HDGF: variants seen among roughly 807,000 people sequenced by gnomAD.
The protein encoded by HDGF is hepatoma-derived growth factor.
HDGF carries 5 observed loss-of-function variants against 30.0 expected under a neutral mutation model. The ratio of observed to expected loss-of-function variants is 0.17; its 90% CI spans 0.09 to 0.35. The LOEUF is 0.35. HDGF is among the 10% of genes least tolerant of loss of function. The pLI is 1.00. For missense variants in HDGF, 214 were observed against 302.8 expected (o/e 0.71, Z 2.18); for synonymous variants, 133 against 112.7 (o/e 1.18, Z -1.14).
intron 2 of HDGF, among the ~76,000 whole-genome samples, chr1:156,757,777 A>G (rs1651176297): frequency 6.7e-6 from 1 of 149,132 alleles, no homozygotes; most frequent in Non-Finnish European, 1.5e-5. Flanking sequence ...TGGGAGCAAG[A>G]CTCTGTCTCA....
chr1:156,747,263 C>CCCCCCCCCCT (rs1650640366), intron 1 of HDGF, among the ~76,000 whole-genome samples: 1 of 71,834 alleles, frequency 1.4e-5, no homozygotes, highest in African/African-American at 5.1e-5. Context: ...CCCCCCCCCC[C>CCCCCCCCCCT]GCCCCGCCGC....
intron 2 of HDGF, among the ~76,000 whole-genome samples, chr1:156,757,696 G>A (rs889424593): frequency 6.6e-6 from 1 of 151,098 alleles, no homozygotes; most frequent in Admixed American, 6.6e-5. Flanking sequence ...CGGAGGCTGA[G>A]GCCCGATAAT....
chr1:156,757,195 G>A (rs962134446), upstream of HDGF, among the ~76,000 whole-genome samples: 1 of 152,088 alleles, frequency 6.6e-6, no homozygotes, highest in African/African-American at 2.4e-5. Flanking sequence ...GCCGGATGTG[G>A]TGGCTCACGC....
upstream of HDGF, among the ~76,000 whole-genome samples, chr1:156,755,921 C>T (rs901876029): frequency 1.3e-5 from 2 of 152,106 alleles, no homozygotes; most frequent in East Asian, 1.9e-4. Context: ...GTCCAGAAAA[C>T]GGGGTTGTGA....
upstream of HDGF, chr1:156,752,408 A>G (rs1571557789): frequency 6.6e-7 from 1 of 1,518,394 alleles, no homozygotes; most frequent in Non-Finnish European, 9.0e-7. Flanking sequence ...GGAGACTTGG[A>G]CTCAACGGCT....
intron 2 of HDGF, among the ~76,000 whole-genome samples, chr1:156,758,582 G>T: frequency 3.8e-5 from 1 of 26,250 alleles, no homozygotes; most frequent in Non-Finnish European, 1.4e-4. Flanking sequence ...GACAGAGCGA[G>T]ACTCCGTCTC....
chr1:156,752,014 C>T (rs1375264175), upstream of HDGF: 25 of 1,547,914 alleles, frequency 1.6e-5, no homozygotes, highest in Non-Finnish European at 2.0e-5. Flanking sequence ...CCCCGCCCTT[C>T]CCCCGACTCC....
At position 156,760,729 on chromosome 1, in the gene HDGF, A is replaced by G. The variant is rs1571562018; in HGVS notation, n.137-1510T>C. Among the ~76,000 whole-genome samples, 3 of 152,198 alleles carry G rather than the reference A, an allele frequency of 2.0e-5. No individual in the cohort carries two copies. The South Asian group carries it at 6.2e-4, about 32-fold the overall frequency. ...TGGCTCTTCAGCCCTGGGGCCTGTCAGTCACCCTGACACACCCTGATCCTG... is the reference window on the plus strand; with the variant it reads ...TGGCTCTTCAGCCCTGGGGCCTGTCGGTCACCCTGACACACCCTGATCCTG... On this transcript the variant is annotated intron_variant and non_coding_transcript_variant, in intron 1 of 7. Coordinates refer to the HDGF transcript ENST00000465180.
chr1:156,755,093 C>T (rs992363498), upstream of HDGF, among the ~76,000 whole-genome samples: 2 of 152,236 alleles, frequency 1.3e-5, no homozygotes, highest in African/African-American at 4.8e-5. Flanking sequence ...CACAAGACCT[C>T]AACCCACCAG....
chr1:156,749,508 A>G (rs1180472770), intron 1 of HDGF, among the ~76,000 whole-genome samples: 1 of 152,154 alleles, frequency 6.6e-6, no homozygotes, highest in Non-Finnish European at 1.5e-5. Flanking sequence ...CACCTCTTTG[A>G]GATCCAGGCT....
upstream of HDGF, among the ~76,000 whole-genome samples, chr1:156,753,042 G>A (rs1051230116): frequency 1.3e-5 from 2 of 152,216 alleles, no homozygotes; most frequent in Non-Finnish European, 2.9e-5. Flanking sequence ...TCTGCTGTAA[G>A]ATGGGATAAC....
intron 1 of HDGF, among the ~76,000 whole-genome samples, chr1:156,747,976 CAA>C (rs959710310): frequency 1.3e-5 from 2 of 152,078 alleles, no homozygotes; most frequent in Admixed American, 1.3e-4. Context: ...GGGGGAGAAA[CAA>C]AAGAACGAAT....
At chr1:156,751,753 T>A, upstream of HDGF, 8 of 869,296 alleles carry the variant, frequency 9.2e-6, no homozygotes, top group Middle Eastern at 5.8e-4. This position sits in a 1 kb window ranked among gnomAD's most constrained non-coding sequence, Gnocchi z 4.7. Context: ...TCCTCCCTCC[T>A]CCCGGACCCA....
chr1:156,749,837 C>T (rs1453839243), intron 1 of HDGF, among the ~76,000 whole-genome samples: 1 of 152,194 alleles, frequency 6.6e-6, no homozygotes, highest in African/African-American at 2.4e-5. Context: ...CTTTGTCCCA[C>T]CCTCAGGAGG....
At chr1:156,743,997 T>G (rs139968531) in intron 4 of HDGF, 119 bp from the exon 5 acceptor site, 1 of 1,039,186 alleles carries the variant, frequency 9.6e-7, no homozygotes. Context: ...CCAACCCTAC[T>G]AGCTGAAATG....
rs1293093789 is a variant in HDGF, at chr1:156,751,054, G to T, written c.87+289C>A. On this transcript the variant is annotated intron_variant, in intron 1 of 5. Coordinates refer to ENST00000357325, the MANE Select transcript of HDGF (RefSeq NM_004494.3). The surrounding 1 kb of genome is among the most constrained non-coding windows in gnomAD (Gnocchi z 4.7). ...GAGTATGGGGGCTGGGGGCGGAACT[G>T]AGCACGCGGAGCTGGGGGCCGGGAA... Among the ~76,000 whole-genome samples, 1 of 152,072 alleles carries T rather than the reference G, an allele frequency of 6.6e-6. No individual in the cohort carries two copies. The highest frequency in any genetic ancestry group is 2.4e-5 in the African/African-American group (1 of 41,410).
intron 1 of HDGF, among the ~76,000 whole-genome samples, chr1:156,749,295 TCTTA>T (rs1650807212): frequency 2.0e-5 from 3 of 152,228 alleles, no homozygotes; most frequent in Admixed American, 2.0e-4. Flanking sequence ...TGAGGTTCCC[TCTTA>T]CTTCTCATCC....
chr1:156,751,253 G>C lies in HDGF; in HGVS notation c.87+90C>G. 6.9e-7 allele frequency: 1 copy of C among 1,454,050 alleles called. No individual in the cohort carries two copies. The highest frequency in any genetic ancestry group is 1.5e-5 in the African/African-American group (1 of 68,412). 90.1% of individuals were successfully genotyped at this position (1,454,050 alleles called of 1,614,324 possible). Reference sequence around the variant, plus strand: ...CTACAAGCCCCCTGCCCCCACCTCTGCCCGCTCCGCGCGGAGCGCTCGTGC... The same window carrying C: ...CTACAAGCCCCCTGCCCCCACCTCTCCCCGCTCCGCGCGGAGCGCTCGTGC... On this transcript the variant is annotated intron_variant, in intron 1 of 5. Coordinates refer to ENST00000357325, the MANE Select transcript of HDGF (RefSeq NM_004494.3). The surrounding 1 kb of genome is among the most constrained non-coding windows in gnomAD (Gnocchi z 4.7).
chr1:156,744,549 C>T (rs1370601911), intron 3 of HDGF: 1 of 1,541,164 alleles, frequency 6.5e-7, no homozygotes. Flanking sequence ...GCAGGCAGGG[C>T]TCTGTGCAGG....
Sources: gnomAD v4.1 joint callset for allele counts (sites outside exome capture counted in the v4.1 genomes callset) on GRCh38, gnomAD v4.1.1 for gene constraint, Gnocchi (gnomAD v3.1) non-coding constraint, MANE v1.5 for transcripts, NCBI Gene and HGNC (gene_info 2026-07-23, HGNC 2026-07-21) for gene names.